CYB5R2: variants seen among roughly 807,000 people sequenced by gnomAD.
CYB5R2 encodes the protein cytochrome b5 reductase 2.
In CYB5R2, 35 loss-of-function variants were observed where a neutral mutation model predicts 29.8. The observed-to-expected ratio is 1.17, with a 90% CI of 0.90 to 1.56. The LOEUF (loss-of-function observed/expected upper bound fraction) is 1.56. Ranked by LOEUF, CYB5R2 falls within the 40% of genes most tolerant of loss-of-function variation. The probability of loss-of-function intolerance (pLI) is 0.00; values close to 1 mark genes in which losing one functional copy is unlikely to be tolerated. For missense variants in CYB5R2, 419 were observed against 346.7 expected, an observed-to-expected ratio of 1.21 and a Z score of -1.66; for synonymous variants, 169 against 130.6, an observed-to-expected ratio of 1.29 and a Z score of -2.01.
At chr11:7,668,624 A>G in intron 5 of CYB5R2, 63 bp from the exon 6 acceptor site, 1 of 1,335,480 alleles carries the variant, frequency 7.5e-7, no homozygotes, top group Non-Finnish European at 1.1e-6. Flanking sequence ...GCAAAAGATC[A>G]CTGACATTCC....
intron 7 of CYB5R2, 43 bp downstream of exon 7, chr11:7,667,685 G>GCAAA (rs778660339): frequency 4.1e-5 from 62 of 1,526,824 alleles, no homozygotes; most frequent in Non-Finnish European, 5.4e-5. Flanking sequence ...GCCCAGCTCA[G>GCAAA]CAAACATTCC....
chr11:7,665,485 T>A lies in CYB5R2; in HGVS notation c.720A>T (p.Pro240=). 1 of 1,613,942 alleles carries A rather than the reference T, an allele frequency of 6.2e-7. No individual in the cohort carries two copies. Among genetic ancestry groups the A allele is most frequent in the East Asian group, 2.2e-5 (1 of 44,880 alleles). ...ACACCAGGATGAGCGTGGACTTCGC[T>A]GGAGGAGGAAGGTGCTCCTTGATCA... The part of the protein sequence containing the change: ...ADMIKEHLPP[P]AKSTLILVCG... The change falls in exon 9 of 9, where the codon CCA becomes CCT. Residue 240 remains proline, a synonymous_variant. Coordinates refer to ENST00000299498, the MANE Select transcript of CYB5R2 (RefSeq NM_016229.5).
upstream of CYB5R2, chr11:7,673,627 G>T: frequency 4.3e-5 from 42 of 985,166 alleles, no homozygotes; most frequent in Non-Finnish European, 4.9e-5. Context: ...GGCTCTAGCC[G>T]GCCTCCGCGC....
upstream of CYB5R2, chr11:7,673,655 C>A (rs534116288): frequency 6.9e-4 from 678 of 985,422 alleles, 4 homozygotes; most frequent in African/African-American, 0.011. Flanking sequence ...CTCTTTCCTT[C>A]CGGCCGTCCC....
upstream of CYB5R2, chr11:7,674,063 C>A: frequency 8.4e-7 from 1 of 1,191,592 alleles, no homozygotes; most frequent in South Asian, 1.5e-5. Context: ...GCATCCTGGC[C>A]CCTTCCCTGC....
Position 7,665,538 on chromosome 11 carries a change from A to C in CYB5R2, c.667T>G (p.Tyr223Asp). 1 of 1,602,986 alleles carries C rather than the reference A, an allele frequency of 6.2e-7. No individual in the cohort carries two copies. Among genetic ancestry groups the C allele is most frequent in the East Asian group, 2.2e-5 (1 of 44,846 alleles). ...TLDRPPIGWK[Y>D]SSGFVTADMI... The stretch of plus-strand genomic sequence containing the variant: ...TCGGCAGTAACGAAGCCTGAGCTGT[A>C]CTTCCAGCCTGAAATGAAGGAGATG... Residue 223 changes from tyrosine (Y) to aspartate (D), a missense_variant, in exon 9 of 9, where the codon TAC (tyrosine) becomes GAC (aspartate). By Grantham distance (160) the Tyr-to-Asp change is radical. Transcript: ENST00000299498.
Position 7,673,434 on chromosome 11 carries a change from T to G in CYB5R2, c.-82A>C. On this transcript the variant is annotated 5_prime_UTR_variant, in exon 1 of 9. Coordinates refer to ENST00000299498, the MANE Select transcript of CYB5R2 (RefSeq NM_016229.5). ...CTGTCCCTACCCTACAAGGCCGCCC[T>G]GCTCCTCTCCCAACTCAAGCCCGAC... 1.0e-6 allele frequency: 1 copy of G among 987,806 alleles called. No individual in the cohort carries two copies. The highest frequency in any genetic ancestry group is 1.2e-6 in the Non-Finnish European group (1 of 831,430). 61.2% of individuals were successfully genotyped at this position (987,806 alleles called of 1,614,324 possible).
intron 1 of CYB5R2, chr11:7,673,175 G>C: frequency 2.5e-6 from 1 of 407,888 alleles, no homozygotes; most frequent in Non-Finnish European, 4.3e-6. Flanking sequence ...GGCCCCTCCT[G>C]GCTACAGCCA....
At position 7,665,281 on chromosome 11, in the gene CYB5R2, C is replaced by G; in HGVS notation, c.*93G>C. 8.6e-7 allele frequency: 1 copy of G among 1,165,338 alleles called. No homozygotes were observed. The highest frequency in any genetic ancestry group is 1.2e-6 in the Non-Finnish European group (1 of 838,986). 72.2% of individuals were successfully genotyped at this position (1,165,338 alleles called of 1,614,324 possible). ...GTGCGCGAAGGTACATGGCAAGGCA[C>G]TTTTGAAAACATCCCAGTTTACCGT... On this transcript the variant is annotated 3_prime_UTR_variant, in exon 9 of 9. Coordinates refer to ENST00000299498, the MANE Select transcript of CYB5R2 (RefSeq NM_016229.5).
upstream of CYB5R2, chr11:7,673,623 A>G (rs4237758): frequency 0.56 from 549,856 of 985,020 alleles, 155,735 homozygotes; most frequent in Non-Finnish European, 0.58. Context: ...TCCCGGCTCT[A>G]GCCGGCCTCC....
At chr11:7,673,139 C>T (rs923384762) in intron 1 of CYB5R2, 4 of 431,862 alleles carry the variant, frequency 9.3e-6, no homozygotes, top group Non-Finnish European at 1.7e-5. Context: ...AGGCAGCACA[C>T]ATGGCCTGGG....
chr11:7,667,588 A>T, intron 7 of CYB5R2, 140 bp downstream of exon 7: 1 of 752,502 alleles, frequency 1.3e-6, no homozygotes, highest in Non-Finnish European at 2.3e-6. Context: ...AGCTGCCAGC[A>T]GCCCTGTTGA....
At chr11:7,666,066 G>T in intron 8 of CYB5R2, 4 of 696,912 alleles carry the variant, frequency 5.7e-6, no homozygotes, top group Non-Finnish European at 1.0e-5. Flanking sequence ...ATGTCCAGGT[G>T]AGGTGGGCGG....
rs1855031898 is a variant in CYB5R2 at position 7,665,224 on chromosome 11, T to C, written c.*150A>G. On this transcript the variant is annotated 3_prime_UTR_variant, in exon 9 of 9. Transcript: ENST00000299498. ...CTCCAGCCCCTTGAGCCCTTTTTGT[T>C]AGGCCCACACCCAAAAGAGGAGAAC... 1.5e-6 allele frequency: 1 copy of C among 645,704 alleles called. No individual in the cohort carries two copies. Among genetic ancestry groups the C allele is most frequent in the Non-Finnish European group, 2.5e-6 (1 of 403,232 alleles). The allele number at this position is 645,704 out of a possible 1,614,324, so 40.0% of individuals were successfully genotyped here. A position where few individuals can be genotyped will look rare whatever the true frequency, so the allele number is the denominator to read the frequency against.
chr11:7,671,474 C>CAA (rs1362274489), intron 3 of CYB5R2: 1 of 152,312 alleles, frequency 6.6e-6, no homozygotes, highest in Admixed American at 6.5e-5. Flanking sequence ...TTCTCTATCT[C>CAA]AAAGTTTTTC....
chr11:7,674,219 G>A (rs1034212440), upstream of CYB5R2: 2 of 1,283,740 alleles, frequency 1.6e-6, no homozygotes, highest in African/African-American at 1.5e-5. Context: ...ATATTCATTC[G>A]ACATACCTCA....
intron 7 of CYB5R2, chr11:7,667,445 C>T (rs1275149637): frequency 7.7e-6 from 2 of 261,224 alleles, no homozygotes; most frequent in Non-Finnish European, 7.1e-6. Flanking sequence ...CTGAGGACAT[C>T]TGTGATTTTA....
chr11:7,673,537 C>G (rs937783349), upstream of CYB5R2: 1 of 985,354 alleles, frequency 1.0e-6, no homozygotes, highest in African/African-American at 1.7e-5. Flanking sequence ...CCCCACTCCC[C>G]GCCCTTCGCG....
At chr11:7,673,763 G>GGCCGGGGGCCGGTGC (rs143831614), upstream of CYB5R2, 1 of 986,960 alleles carries the variant, frequency 1.0e-6, no homozygotes, top group African/African-American at 1.7e-5. Context: ...GTTGGCCGGG[G>GGCCGGGGGCCGGTGC]GCCGCTCCCC....
Sources: gnomAD v4.1 joint callset for allele counts on GRCh38, gnomAD v4.1.1 for gene constraint, MANE v1.5 for transcripts, NCBI Gene and HGNC (gene_info 2026-07-23, HGNC 2026-07-21) for gene names.